Variants in IMMP2L observed in about 807,000 individuals in gnomAD.
IMMP2L encodes inner mitochondrial membrane peptidase subunit 2.
In IMMP2L, 18 loss-of-function variants were observed where a neutral mutation model predicts 19.3. The observed-to-expected ratio is 0.93, with a 90% CI of 0.64 to 1.38. The LOEUF is 1.38. Ranked by LOEUF, IMMP2L falls within the 40% of genes most tolerant of loss-of-function variation. The pLI is 0.00. For missense variants in IMMP2L, 233 were observed against 218.2 expected, an observed-to-expected ratio of 1.07 and a Z score of -0.43; for synonymous variants, 76 against 73.0, an observed-to-expected ratio of 1.04 and a Z score of -0.21.
At chr7:111,108,452 C>A (rs762126205) in intron 3 of IMMP2L, among the ~76,000 whole-genome samples, 3 of 152,034 alleles carry the variant, frequency 2.0e-5, no homozygotes, top group African/African-American at 7.2e-5. Flanking sequence ...ACCCCCACTA[C>A]ACTGTGCTAT....
intron 3 of IMMP2L, among the ~76,000 whole-genome samples, chr7:111,401,254 A>G (rs1199337587): frequency 6.6e-6 from 1 of 152,186 alleles, no homozygotes; most frequent in African/African-American, 2.4e-5. Flanking sequence ...ACCTGTAAAT[A>G]CTAAAGACAG....
intron 5 of IMMP2L, among the ~76,000 whole-genome samples, chr7:110,778,767 C>A (rs1001232180): frequency 6.6e-6 from 1 of 151,894 alleles, no homozygotes; most frequent in Admixed American, 6.6e-5. Flanking sequence ...AGAACTGTAA[C>A]AGCATCTATT....
chr7:110,860,059 T>C (rs2129542634), intron 5 of IMMP2L, among the ~76,000 whole-genome samples: 1 of 152,186 alleles, frequency 6.6e-6, no homozygotes, highest in South Asian at 2.1e-4. Context: ...GTTGTTATAA[T>C]CAAAGCTTCA....
chr7:111,077,242 A>C (rs73418063), intron 3 of IMMP2L, among the ~76,000 whole-genome samples: 1 of 152,360 alleles, frequency 6.6e-6, no homozygotes, highest in African/African-American at 2.4e-5. Flanking sequence ...TGATGAGGGC[A>C]AAGTTTTTTG....
At chr7:111,186,912 C>G (rs1230359022) in intron 3 of IMMP2L, among the ~76,000 whole-genome samples, 1 of 151,946 alleles carries the variant, frequency 6.6e-6, no homozygotes, top group African/African-American at 2.4e-5. Context: ...CTACAATTTT[C>G]TGTAACTTCC....
chr7:110,911,914 C>A (rs1813097330), intron 4 of IMMP2L, among the ~76,000 whole-genome samples: 1 of 151,958 alleles, frequency 6.6e-6, no homozygotes, highest in Non-Finnish European at 1.5e-5. Context: ...ACGGAAATTG[C>A]AGTAAATGCA....
chr7:111,492,434 T>C (rs1265056057), intron 2 of IMMP2L: 85 of 977,086 alleles, frequency 8.7e-5, no homozygotes, highest in Non-Finnish European at 1.0e-4. Flanking sequence ...ACTTCCCCTC[T>C]GTCAAGAATG....
At chr7:110,688,559 A>T (rs1415927843) in intron 5 of IMMP2L, among the ~76,000 whole-genome samples, 1 of 152,242 alleles carries the variant, frequency 6.6e-6, no homozygotes, top group East Asian at 1.9e-4. Flanking sequence ...TAAGTTATAA[A>T]ATAGGCTGAA....
At chr7:110,902,471 A>G (rs1164857854) in intron 4 of IMMP2L, among the ~76,000 whole-genome samples, 2 of 118,308 alleles carry the variant, frequency 1.7e-5, no homozygotes, top group East Asian at 6.0e-4. Context: ...ATATGTCATG[A>G]ATGATAAAAT....
At chr7:110,752,371 T>C (rs1797777349) in intron 5 of IMMP2L, among the ~76,000 whole-genome samples, 1 of 152,068 alleles carries the variant, frequency 6.6e-6, no homozygotes. Context: ...ATCATAGAAT[T>C]TTTGGTTTTG....
Position 111,192,479 on chromosome 7 carries a change from T to C in IMMP2L, c.240-228914A>G, listed in dbSNP as rs146758216. On this transcript the variant is annotated intron_variant, in intron 3 of 5. Coordinates refer to ENST00000405709, the MANE Select transcript of IMMP2L (RefSeq NM_032549.4). The stretch of plus-strand genomic sequence containing the variant: ...AACGGCCAGCAATCATAACTCCTTT[T>C]CTTTTCGCTTCTTCCAACAAAACTT... 6.6e-5 allele frequency among the ~76,000 whole-genome samples: 10 copies of C among 152,288 alleles called. No homozygotes were observed. The East Asian group carries it at 1.9e-3, about 29-fold the overall frequency.
intron 5 of IMMP2L, among the ~76,000 whole-genome samples, chr7:110,754,667 T>G (rs1287242808): frequency 3.3e-5 from 5 of 152,096 alleles, no homozygotes; most frequent in Non-Finnish European, 7.4e-5. Flanking sequence ...TAAATCTAAT[T>G]ATAATCAAAC....
At chr7:111,404,017 A>G (rs1833699227) in intron 3 of IMMP2L, among the ~76,000 whole-genome samples, 1 of 152,180 alleles carries the variant, frequency 6.6e-6, no homozygotes, top group South Asian at 2.1e-4. Flanking sequence ...CAGCAGCGGC[A>G]TAACACACAG....
chr7:111,369,346 C>G (rs1408977349), intron 3 of IMMP2L, among the ~76,000 whole-genome samples: 1 of 151,812 alleles, frequency 6.6e-6, no homozygotes, highest in Non-Finnish European at 1.5e-5. Flanking sequence ...AAATGTAATT[C>G]CCTTCATGTT....
intron 3 of IMMP2L, among the ~76,000 whole-genome samples, chr7:111,196,771 GT>G (rs983550713): frequency 2.0e-5 from 3 of 151,990 alleles, no homozygotes; most frequent in African/African-American, 7.3e-5. Context: ...CACGTTTGTT[GT>G]TTATATATCC....
chr7:111,224,031 A>T (rs1437432921), intron 3 of IMMP2L, among the ~76,000 whole-genome samples: 3 of 152,142 alleles, frequency 2.0e-5, no homozygotes, highest in African/African-American at 7.2e-5. Context: ...AACTGAATAT[A>T]GAAAACAGAG....
chr7:111,239,140 T>C (rs770127854), intron 3 of IMMP2L, among the ~76,000 whole-genome samples: 15 of 151,944 alleles, frequency 9.9e-5, no homozygotes, highest in Non-Finnish European at 2.1e-4. Flanking sequence ...TCCAGGTCTC[T>C]GTCAATTTGA....
intron 5 of IMMP2L, among the ~76,000 whole-genome samples, chr7:110,869,589 A>G (rs535082160): frequency 6.6e-6 from 1 of 152,114 alleles, no homozygotes; most frequent in Non-Finnish European, 1.5e-5. Flanking sequence ...CTGGCCTTGC[A>G]TTTGAACTGT....
chr7:111,470,620 A>G (rs1315681889), intron 3 of IMMP2L, among the ~76,000 whole-genome samples: 3 of 151,206 alleles, frequency 2.0e-5, no homozygotes, highest in Non-Finnish European at 4.4e-5. Flanking sequence ...AACTATCCCA[A>G]GGACAAAAAA....
Sources: allele counts gnomAD v4.1 joint callset (sites outside exome capture counted in the v4.1 genomes callset), GRCh38; gene constraint gnomAD v4.1.1; transcripts MANE v1.5; gene names NCBI Gene and HGNC (gene_info 2026-07-23, HGNC 2026-07-21).